The following CCDC149 variants were observed in gnomAD, a reference collection of about 807,000 sequenced individuals.
CCDC149 encodes coiled-coil domain containing 149, also known as coiled-coil domain-containing protein 149.
Under a neutral mutation model 59.9 loss-of-function variants are expected in CCDC149, and 45 were observed. The ratio of observed to expected loss-of-function variants is 0.75; its 90% CI spans 0.59 to 0.96. The LOEUF (loss-of-function observed/expected upper bound fraction) is 0.96, where lower values mean the gene tolerates loss of function less well. Among genes scored for constraint, CCDC149 ranks in the 40% least tolerant of loss-of-function variants. CCDC149 has a pLI of 0.00. For synonymous variants in CCDC149, 245 were observed against 260.6 expected, an observed-to-expected ratio of 0.94 and a Z score of 0.58; for missense variants, 584 against 664.7, an observed-to-expected ratio of 0.88 and a Z score of 1.33.
At chr4:24,838,075 G>T in intron 5 of CCDC149, 81 bp downstream of exon 5, 1 of 1,105,920 alleles carries the variant, frequency 9.0e-7, no homozygotes. Flanking sequence ...TCTGAGAAAC[G>T]AGGGGCACAG....
chr4:24,862,017 A>G (rs1718419233), intron 3 of CCDC149, among the ~76,000 whole-genome samples: 1 of 152,204 alleles, frequency 6.6e-6, no homozygotes, highest in South Asian at 2.1e-4. Context: ...CACCCACTTC[A>G]GTACCAGGAA....
At chr4:24,885,850 T>A (rs945400592) in intron 1 of CCDC149, among the ~76,000 whole-genome samples, 1 of 152,220 alleles carries the variant, frequency 6.6e-6, no homozygotes, top group African/African-American at 2.4e-5. Context: ...AAATTAGTAT[T>A]TTTTTGAATA....
intron 1 of CCDC149, among the ~76,000 whole-genome samples, chr4:24,902,902 G>A (rs964524503): frequency 6.6e-6 from 1 of 151,340 alleles, no homozygotes; most frequent in Non-Finnish European, 1.5e-5. Context: ...GCTCATGCCT[G>A]TAGTCTCAGC....
chr4:24,835,641 A>G (rs1447889853), intron 7 of CCDC149, among the ~76,000 whole-genome samples: 1 of 152,220 alleles, frequency 6.6e-6, no homozygotes, highest in African/African-American at 2.4e-5. Flanking sequence ...CAACTTTAAG[A>G]GCTATATCCT....
chr4:24,870,026 G>A (rs1017382275), intron 3 of CCDC149, among the ~76,000 whole-genome samples: 3 of 152,170 alleles, frequency 2.0e-5, no homozygotes, highest in Admixed American at 2.0e-4. Context: ...TCTCTTGAGG[G>A]GAACCAGACA....
intron 1 of CCDC149, among the ~76,000 whole-genome samples, chr4:24,897,160 G>A (rs1361430596): frequency 1.3e-5 from 2 of 152,130 alleles, no homozygotes; most frequent in African/African-American, 4.8e-5. Context: ...TAGTCTGGGG[G>A]CAAGAGAGCT....
At chr4:24,931,494 C>G (rs1722586350) in intron 1 of CCDC149, among the ~76,000 whole-genome samples, 1 of 151,286 alleles carries the variant, frequency 6.6e-6, no homozygotes, top group Non-Finnish European at 1.5e-5. Context: ...ACTCAGGTAC[C>G]CAGGCTGATG....
intron 1 of CCDC149, among the ~76,000 whole-genome samples, chr4:24,885,204 A>G (rs991449355): frequency 2.0e-4 from 31 of 152,196 alleles, no homozygotes; most frequent in Non-Finnish European, 3.7e-4. Flanking sequence ...TTCTTCCAGC[A>G]GTCAGGAGCT....
chr4:24,805,118 T>C (rs186012483), downstream of CCDC149, among the ~76,000 whole-genome samples: 2 of 152,246 alleles, frequency 1.3e-5, no homozygotes, highest in African/African-American at 4.8e-5. Flanking sequence ...CAAACGCTCA[T>C]GTAAAAATCC....
chr4:24,899,810 C>T (rs1160728226), intron 1 of CCDC149, among the ~76,000 whole-genome samples: 2 of 152,146 alleles, frequency 1.3e-5, no homozygotes, highest in Admixed American at 6.5e-5. Context: ...GTACTTGGGA[C>T]CCTAGCACCC....
chr4:24,946,489 T>C (rs371183178), intron 1 of CCDC149, among the ~76,000 whole-genome samples: 84 of 152,348 alleles, frequency 5.5e-4, no homozygotes, highest in African/African-American at 1.8e-3. Flanking sequence ...TATCTTGGTT[T>C]TTTTCCTAAT....
chr4:24,831,746 C>T (rs1716168826), intron 8 of CCDC149, 96 bp from the exon 9 acceptor site: 9 of 1,135,646 alleles, frequency 7.9e-6, no homozygotes. Context: ...GATATGTCCC[C>T]AGCTTCAAAA....
chr4:24,935,501 C>T (rs1722711390), intron 1 of CCDC149, among the ~76,000 whole-genome samples: 1 of 152,056 alleles, frequency 6.6e-6, no homozygotes, highest in Admixed American at 6.6e-5. Context: ...GAGGTGAGGA[C>T]TTTGGGACAT....
intron 1 of CCDC149, among the ~76,000 whole-genome samples, chr4:24,931,829 G>GTATATATATGTGTATATATATATATA (rs60585956): frequency 2.6e-5 from 2 of 76,934 alleles, no homozygotes; most frequent in East Asian, 8.7e-4. Flanking sequence ...TGGAGAGTAT[G>GTATATATATGTGTATATATATATATA]TATATATATA....
chr4:24,917,722 C>G (rs1179239449), upstream of CCDC149, among the ~76,000 whole-genome samples: 1 of 151,920 alleles, frequency 6.6e-6, no homozygotes, highest in Non-Finnish European at 1.5e-5. Context: ...ATGCAGCCCA[C>G]GGAAGGAGTT....
At chr4:24,842,564 C>CAGT (rs2109155331) in intron 4 of CCDC149, among the ~76,000 whole-genome samples, 1 of 152,312 alleles carries the variant, frequency 6.6e-6, no homozygotes, top group East Asian at 1.9e-4. Context: ...TAGACGCATT[C>CAGT]AGTTGCTGAT....
chr4:24,808,414 C>A lies in CCDC149; in HGVS notation c.1598G>T (p.Gly533Val). Reference sequence around the variant, plus strand: ...TCAGGTTTTCACGGTGCTCCTCATGCCTCCGCCCTCTGGGATCCCTTTGCC... The same window carrying A: ...TCAGGTTTTCACGGTGCTCCTCATGACTCCGCCCTCTGGGATCCCTTTGCC... The change falls in exon 13 of 13, where the codon GGC becomes GTC. Residue 533 changes from glycine to valine, a missense_variant. Gly to Val is a moderately radical substitution (Grantham distance 109). Coordinates refer to ENST00000635206, the MANE Select transcript of CCDC149 (RefSeq NM_001330643.2). 1 of 1,458,002 alleles carries A rather than the reference C, an allele frequency of 6.9e-7. No individual in the cohort carries two copies. The allele number at this position is 1,458,002 out of a possible 1,614,324, so 90.3% of individuals were successfully genotyped here. A position where few individuals can be genotyped will look rare whatever the true frequency, so the allele number is the denominator to read the frequency against.
chr4:24,813,775 A>G (rs1368739159), intron 12 of CCDC149, among the ~76,000 whole-genome samples: 1 of 152,184 alleles, frequency 6.6e-6, no homozygotes, highest in African/African-American at 2.4e-5. Context: ...TTTTAAAATG[A>G]CTGAACATTG....
chr4:24,970,136 C>T (rs771995922), intron 1 of CCDC149, among the ~76,000 whole-genome samples: 5 of 152,172 alleles, frequency 3.3e-5, no homozygotes, highest in African/African-American at 4.8e-5. Flanking sequence ...GCCTGAGGGA[C>T]GTGCTTTACC....
Sources: gnomAD v4.1 joint callset for allele counts (sites outside exome capture counted in the v4.1 genomes callset) on GRCh38, gnomAD v4.1.1 for gene constraint, MANE v1.5 for transcripts, NCBI Gene and HGNC (gene_info 2026-07-23, HGNC 2026-07-21) for gene names.